ARB2A: variants seen among roughly 807,000 people sequenced by gnomAD.
The protein encoded by ARB2A is ARB2 cotranscriptional regulator A, also known as cotranscriptional regulator ARB2A.
chr5:93,678,242 G>A, the ARB2A span, among the ~76,000 whole-genome samples: 1 of 152,158 alleles, frequency 6.6e-6, no homozygotes, highest in South Asian at 2.1e-4. Flanking sequence ...TTCCTGAGAA[G>A]CTTCAACATG....
the ARB2A span, among the ~76,000 whole-genome samples, chr5:93,849,022 T>A: frequency 2.0e-5 from 3 of 152,218 alleles, no homozygotes; most frequent in Non-Finnish European, 4.4e-5. Context: ...TTAATTGTCA[T>A]AAGTTAAAAC....
the ARB2A span, chr5:93,737,543 T>C: frequency 6.4e-6 from 1 of 156,688 alleles, no homozygotes; most frequent in Non-Finnish European, 1.4e-5. Flanking sequence ...TATATATATA[T>C]GGAAGAACAA....
the ARB2A span, among the ~76,000 whole-genome samples, chr5:93,800,871 C>G: frequency 3.3e-5 from 5 of 152,066 alleles, no homozygotes; most frequent in African/African-American, 1.2e-4. Flanking sequence ...TTTTCTCTTT[C>G]ATTTTTAAAT....
the ARB2A span, among the ~76,000 whole-genome samples, chr5:93,869,661 C>A: frequency 6.6e-6 from 1 of 152,174 alleles, no homozygotes; most frequent in African/African-American, 2.4e-5. Flanking sequence ...TGACATTCCA[C>A]CATTGTGATT....
chr5:93,823,572 T>C, the ARB2A span, among the ~76,000 whole-genome samples: 1 of 152,170 alleles, frequency 6.6e-6, no homozygotes, highest in Non-Finnish European at 1.5e-5. Flanking sequence ...CAATGGTGTA[T>C]ACATAAAGCA....
chr5:93,965,870 C>A, the ARB2A span, among the ~76,000 whole-genome samples: 6 of 151,192 alleles, frequency 4.0e-5, no homozygotes, highest in Admixed American at 1.3e-4. Flanking sequence ...TCTATGTATA[C>A]GTATTCATTT....
chr5:93,736,541 A>G, the ARB2A span: 1 of 152,212 alleles, frequency 6.6e-6, no homozygotes, highest in Non-Finnish European at 1.5e-5. Context: ...CAAAGATGTC[A>G]TGAGAATGAG....
At chr5:94,002,099 T>C in the ARB2A span, among the ~76,000 whole-genome samples, 2 of 152,022 alleles carry the variant, frequency 1.3e-5, no homozygotes, top group Non-Finnish European at 2.9e-5. Context: ...TCCCTTCTTC[T>C]AGATAAAAGG....
At chr5:93,646,721 A>G in the ARB2A span, among the ~76,000 whole-genome samples, 2 of 152,108 alleles carry the variant, frequency 1.3e-5, no homozygotes, top group African/African-American at 4.8e-5. Context: ...GTGATACATC[A>G]TGTATAGTGA....
chr5:93,960,516 G>A, the ARB2A span, among the ~76,000 whole-genome samples: 2 of 152,102 alleles, frequency 1.3e-5, no homozygotes, highest in Non-Finnish European at 2.9e-5. Flanking sequence ...GAGTTCTCTC[G>A]TTTGTATCCA....
chr5:93,890,622 G>A, the ARB2A span, among the ~76,000 whole-genome samples: 1 of 151,950 alleles, frequency 6.6e-6, no homozygotes, highest in African/African-American at 2.4e-5. Flanking sequence ...TGGAAGGGAA[G>A]GGTTAATGGG....
the ARB2A span, among the ~76,000 whole-genome samples, chr5:93,652,175 A>G: frequency 2.0e-5 from 3 of 152,170 alleles, no homozygotes; most frequent in Non-Finnish European, 2.9e-5. Context: ...AAGGACATGG[A>G]GCAACTAAAC....
the ARB2A span, among the ~76,000 whole-genome samples, chr5:93,850,604 T>C: frequency 5.9e-5 from 9 of 152,136 alleles, no homozygotes; most frequent in African/African-American, 1.7e-4. Flanking sequence ...AGTTTTTTTA[T>C]TCTTAACTAC....
the ARB2A span, among the ~76,000 whole-genome samples, chr5:93,795,140 G>T: frequency 1.3e-5 from 2 of 152,058 alleles, no homozygotes; most frequent in South Asian, 4.2e-4. Flanking sequence ...TGCTATGGGG[G>T]GTGGGGCTGT....
At chr5:94,088,360 C>G in the ARB2A span, among the ~76,000 whole-genome samples, 1 of 152,068 alleles carries the variant, frequency 6.6e-6, no homozygotes, top group South Asian at 2.1e-4. Context: ...TAATAATGCC[C>G]TACATCTTAT....
chr5:93,741,056 G>A, the ARB2A span: 37 of 1,613,814 alleles, frequency 2.3e-5, no homozygotes, highest in Non-Finnish European at 3.1e-5. Context: ...CTTAGCTGCT[G>A]GGCCTCGAAG....
the ARB2A span, among the ~76,000 whole-genome samples, chr5:93,815,622 T>A: frequency 2.6e-5 from 4 of 152,190 alleles, no homozygotes; most frequent in Non-Finnish European, 5.9e-5. Flanking sequence ...AAAGATCCCA[T>A]TTTGAAACTC....
the ARB2A span, among the ~76,000 whole-genome samples, chr5:93,681,520 T>C: frequency 2.0e-5 from 3 of 152,230 alleles, no homozygotes; most frequent in East Asian, 5.8e-4. Flanking sequence ...TGCCTTCCCC[T>C]CTCCACAAAA....
chr5:94,073,034 GAA>G, the ARB2A span, among the ~76,000 whole-genome samples: 1 of 151,998 alleles, frequency 6.6e-6, no homozygotes. Context: ...TTCAATTAGG[GAA>G]AAGTTAAATC....
Sources: gnomAD v4.1 joint callset for allele counts (sites outside exome capture counted in the v4.1 genomes callset) on GRCh38, gnomAD v4.1.1 for gene constraint, MANE v1.5 for transcripts, NCBI Gene and HGNC (gene_info 2026-07-23, HGNC 2026-07-21) for gene names.